The following INPP4B variants were observed in gnomAD, a reference collection of about 807,000 sequenced individuals.
INPP4B encodes inositol polyphosphate 4-phosphatase type II.
In INPP4B, 55 loss-of-function variants were observed where a neutral mutation model predicts 122.5. The ratio of observed to expected loss-of-function variants is 0.45; its 90% CI spans 0.36 to 0.56. The LOEUF is 0.56. Among genes scored for constraint, INPP4B ranks in the 20% least tolerant of loss-of-function variants. INPP4B has a pLI of 0.00. For missense variants in INPP4B, 1,000 were observed against 1,097.7 expected (o/e 0.91, Z 1.26); for synonymous variants, 403 against 388.7 (o/e 1.04, Z -0.43).
chr4:142,529,334 T>C (rs1025976873), intron 2 of INPP4B, among the ~76,000 whole-genome samples: 2 of 152,082 alleles, frequency 1.3e-5, no homozygotes, highest in African/African-American at 2.4e-5. Flanking sequence ...AATACTTTTT[T>C]ATTTTCAACT....
intron 2 of INPP4B, among the ~76,000 whole-genome samples, chr4:142,643,492 C>T (rs959012175): frequency 2.7e-4 from 41 of 152,118 alleles, no homozygotes; most frequent in Admixed American, 5.9e-4. Flanking sequence ...GCCTCTAATG[C>T]GCTGGCAATC....
chr4:142,291,257 A>G (rs1389765407), intron 9 of INPP4B, among the ~76,000 whole-genome samples: 2 of 152,224 alleles, frequency 1.3e-5, no homozygotes, highest in Admixed American at 6.5e-5. Context: ...TCATCAGGCA[A>G]CTAACACTAG....
At chr4:142,209,951 C>G (rs17015745) in intron 12 of INPP4B, among the ~76,000 whole-genome samples, 2 of 152,030 alleles carry the variant, frequency 1.3e-5, no homozygotes, top group Middle Eastern at 3.2e-3. Flanking sequence ...CTAACCATGT[C>G]ATTTAGGCTT....
intron 1 of INPP4B, among the ~76,000 whole-genome samples, chr4:142,807,641 A>G (rs1779022423): frequency 6.6e-6 from 1 of 152,184 alleles, no homozygotes; most frequent in South Asian, 2.1e-4. Context: ...GCAACCATCC[A>G]CTGAGATATG....
intron 1 of INPP4B, among the ~76,000 whole-genome samples, chr4:142,830,973 G>A (rs1350598175): frequency 1.3e-5 from 2 of 151,586 alleles, no homozygotes; most frequent in Non-Finnish European, 2.9e-5. Flanking sequence ...AGCGAGCCAA[G>A]ATCACACCAC....
At chr4:142,310,273 C>T (rs1298082721) in intron 8 of INPP4B, among the ~76,000 whole-genome samples, 2 of 152,116 alleles carry the variant, frequency 1.3e-5, no homozygotes, top group South Asian at 2.1e-4. Flanking sequence ...GTATAAAATG[C>T]ACACTGAATT....
chr4:142,578,747 A>G (rs931395370), intron 2 of INPP4B, among the ~76,000 whole-genome samples: 1 of 152,016 alleles, frequency 6.6e-6, no homozygotes, highest in African/African-American at 2.4e-5. Flanking sequence ...ATGGGGGGAC[A>G]TATTTCAGCC....
At chr4:142,170,062 T>G (rs1301130926) in intron 16 of INPP4B, among the ~76,000 whole-genome samples, 2 of 151,658 alleles carry the variant, frequency 1.3e-5, no homozygotes, top group East Asian at 3.9e-4. Context: ...TTTTCCTTCA[T>G]AGAATTGCAT....
At chr4:142,609,766 CTG>C (rs1042177630) in intron 2 of INPP4B, among the ~76,000 whole-genome samples, 11 of 152,166 alleles carry the variant, frequency 7.2e-5, no homozygotes, top group African/African-American at 2.4e-4. Context: ...AATAGGAAAA[CTG>C]TTTCTTGAAG....
chr4:142,284,985 G>A (rs114638655), intron 9 of INPP4B, among the ~76,000 whole-genome samples: 87 of 152,180 alleles, frequency 5.7e-4, no homozygotes, highest in Admixed American at 1.4e-3. Context: ...CGAGGGAATC[G>A]TTTTGTGATT....
chr4:142,738,280 T>C (rs897029480), intron 1 of INPP4B, among the ~76,000 whole-genome samples: 4 of 152,074 alleles, frequency 2.6e-5, no homozygotes, highest in African/African-American at 9.7e-5. Context: ...TATGCAGCCA[T>C]AAAAAATGAT....
intron 11 of INPP4B, among the ~76,000 whole-genome samples, chr4:142,238,489 A>G (rs984185571): frequency 6.6e-6 from 1 of 152,112 alleles, no homozygotes; most frequent in Non-Finnish European, 1.5e-5. Flanking sequence ...TTTACATAGC[A>G]GGTCACAAAC....
chr4:142,741,545 A>T (rs1419351612), intron 1 of INPP4B, among the ~76,000 whole-genome samples: 1 of 151,990 alleles, frequency 6.6e-6, no homozygotes, highest in African/African-American at 2.4e-5. Context: ...CAGAAACTAA[A>T]GACATAACAA....
intron 2 of INPP4B, among the ~76,000 whole-genome samples, chr4:142,684,678 C>G (rs748185671): frequency 6.6e-6 from 1 of 152,090 alleles, no homozygotes; most frequent in East Asian, 1.9e-4. Flanking sequence ...TATTTAATTG[C>G]ATTTTCCTGA....
At chr4:142,121,855 C>T (rs1796678629) in intron 21 of INPP4B, among the ~76,000 whole-genome samples, 1 of 152,080 alleles carries the variant, frequency 6.6e-6, no homozygotes, top group African/African-American at 2.4e-5. Context: ...GAAAAATGTT[C>T]TCATGCAGGC....
chr4:142,444,050 G>A (rs1314620670), intron 3 of INPP4B, among the ~76,000 whole-genome samples: 2 of 152,138 alleles, frequency 1.3e-5, no homozygotes, highest in Non-Finnish European at 2.9e-5. Context: ...ATGACCAGAT[G>A]GGGAATTTTA....
intron 2 of INPP4B, among the ~76,000 whole-genome samples, chr4:142,536,135 G>T (rs1000363213): frequency 5.9e-5 from 9 of 152,092 alleles, no homozygotes; most frequent in African/African-American, 2.2e-4. Context: ...CAATTTTTAG[G>T]GGGTAAGTAA....
chr4:142,652,870 T>C (rs1753298038), intron 2 of INPP4B, among the ~76,000 whole-genome samples: 1 of 152,128 alleles, frequency 6.6e-6, no homozygotes, highest in African/African-American at 2.4e-5. Flanking sequence ...TATTTTAAAG[T>C]TCATATGGAA....
intron 12 of INPP4B, among the ~76,000 whole-genome samples, chr4:142,217,463 A>T (rs1847770659): frequency 6.6e-6 from 1 of 152,212 alleles, no homozygotes; most frequent in South Asian, 2.1e-4. Context: ...GTCAAAATAT[A>T]GACTAACCCT....
Sources: allele counts gnomAD v4.1 joint callset (sites outside exome capture counted in the v4.1 genomes callset), GRCh38; gene constraint gnomAD v4.1.1; transcripts MANE v1.5; gene names NCBI Gene and HGNC (gene_info 2026-07-23, HGNC 2026-07-21).